Variants in KIAA1217 observed in about 807,000 individuals in gnomAD.
The protein encoded by KIAA1217 is sickle tail protein homolog.
Under a neutral mutation model 163.9 loss-of-function variants are expected in KIAA1217, and 88 were observed. The observed-to-expected ratio is 0.54, with a 90% CI of 0.45 to 0.64. The LOEUF is 0.64. Among genes scored for constraint, KIAA1217 ranks in the 30% least tolerant of loss-of-function variants. The probability of loss-of-function intolerance (pLI) is 0.00; values close to 1 mark genes in which losing one functional copy is unlikely to be tolerated. For synonymous variants in KIAA1217, 903 were observed against 923.1 expected, an observed-to-expected ratio of 0.98 and a Z score of 0.39; for missense variants, 2,372 against 2,475.0, an observed-to-expected ratio of 0.96 and a Z score of 0.88.
At chr10:24,367,481 C>T (rs1237429040) in intron 2 of KIAA1217, among the ~76,000 whole-genome samples, 1 of 152,170 alleles carries the variant, frequency 6.6e-6, no homozygotes, top group Non-Finnish European at 1.5e-5. Flanking sequence ...GTGGAATCAG[C>T]AGTAATGCAA....
chr10:24,521,856 G>A lies in KIAA1217; in HGVS notation c.2383G>A (p.Glu795Lys). The change falls in exon 12 of 21, where the codon GAG becomes AAG. Residue 795 changes from glutamate (E) to lysine (K), a missense_variant. Around this residue, in one of 3 missense-constraint regions of KIAA1217, gnomAD observed 1,431 missense variants for 1,470.3 expected, o/e 0.97. Coordinates refer to ENST00000376454, the MANE Select transcript of KIAA1217 (RefSeq NM_019590.5). The stretch of plus-strand genomic sequence containing the variant: ...AGTGGAGGCCGTGCGGTTTCTGAAG[G>A]AGGAGCCACACAAGCTGGACAGTCT... The part of the protein sequence containing the change: ...IEVEAVRFLK[E>K]EPHKLDSLLK... 1 of 1,613,908 alleles carries A rather than the reference G, an allele frequency of 6.2e-7. No individual in the cohort carries two copies. The highest frequency in any genetic ancestry group is 8.5e-7 in the Non-Finnish European group (1 of 1,180,030).
At chr10:23,817,984 T>TACACAC (rs1564447633) in intron 1 of KIAA1217, among the ~76,000 whole-genome samples, 6 of 116,512 alleles carry the variant, frequency 5.1e-5, no homozygotes, top group African/African-American at 2.1e-4. Flanking sequence ...TATATATATA[T>TACACAC]ATATATATAT....
intron 6 of KIAA1217, among the ~76,000 whole-genome samples, chr10:24,490,598 A>G (rs1046723712): frequency 9.2e-5 from 14 of 152,248 alleles, no homozygotes; most frequent in Non-Finnish European, 1.3e-4. Context: ...CTGAAACCAG[A>G]CACACTTTGA....
At chr10:24,079,547 T>C (rs2061475621) in intron 2 of KIAA1217, among the ~76,000 whole-genome samples, 1 of 152,218 alleles carries the variant, frequency 6.6e-6, no homozygotes, top group Non-Finnish European at 1.5e-5. Context: ...CCAATTTAAA[T>C]ACAAGTAAGG....
intron 7 of KIAA1217, 46 bp from the exon 8 acceptor site, chr10:24,495,101 G>T: frequency 1.4e-6 from 2 of 1,406,744 alleles, no homozygotes; most frequent in South Asian, 1.3e-5. Flanking sequence ...AAAAAAAAAA[G>T]GCATTTTGGA....
intron 2 of KIAA1217, among the ~76,000 whole-genome samples, chr10:24,162,317 T>C (rs2065156414): frequency 6.6e-6 from 1 of 152,238 alleles, no homozygotes; most frequent in Admixed American, 6.5e-5. Context: ...CACTACTCTC[T>C]GTGAACATCA....
At chr10:24,316,743 A>C (rs887176911) in intron 2 of KIAA1217, among the ~76,000 whole-genome samples, 23 of 148,414 alleles carry the variant, frequency 1.5e-4, no homozygotes, top group African/African-American at 4.7e-4. Flanking sequence ...ATTTGTATCT[A>C]TCAGGAAGGA....
chr10:24,380,860 CT>C lies in KIAA1217; in HGVS notation c.355-5del. ...TATTTTCCCACTTTCTTTAAAATGC[CT>C]TTTGCAGACAAGGAGCCCCAAACTG... On this transcript the variant is annotated splice_polypyrimidine_tract_variant and splice_region_variant and intron_variant, in intron 2 of 20. Transcript: ENST00000376454. 6.7e-7 allele frequency: 1 copy of C among 1,491,990 alleles called. No individual in the cohort carries two copies. The highest frequency in any genetic ancestry group is 1.4e-5 in the South Asian group (1 of 72,362). The allele number at this position is 1,491,990 out of a possible 1,614,324, so 92.4% of individuals were successfully genotyped here. A position where few individuals can be genotyped will look rare whatever the true frequency, so the allele number is the denominator to read the frequency against.
chr10:24,328,567 C>T lies in KIAA1217; in HGVS notation c.355-52302C>T, dbSNP rs773340379. Among the ~76,000 whole-genome samples, 101 of 151,584 alleles carry T rather than the reference C, an allele frequency of 6.7e-4. 1 individual carries two copies. In the Middle Eastern group the frequency reaches 0.01, roughly 15 times the overall value. ...AACAAGTGAGTCAGTTTAAAAACAACTTTATTAACAGAGTTGATGATGTAT... is the reference window on the plus strand; with the variant it reads ...AACAAGTGAGTCAGTTTAAAAACAATTTTATTAACAGAGTTGATGATGTAT... On this transcript the variant is annotated intron_variant, in intron 2 of 20. Coordinates refer to ENST00000376454, the MANE Select transcript of KIAA1217 (RefSeq NM_019590.5).
chr10:23,984,680 C>T (rs1221686600), intron 1 of KIAA1217, among the ~76,000 whole-genome samples: 3 of 151,824 alleles, frequency 2.0e-5, no homozygotes, highest in Non-Finnish European at 4.4e-5. Flanking sequence ...ACAAACACCA[C>T]ATGTTCTCAC....
Position 24,316,331 on chromosome 10 carries a change from G to T in KIAA1217, c.355-64538G>T, listed in dbSNP as rs11816503. On this transcript the variant is annotated intron_variant, in intron 2 of 20. Coordinates refer to ENST00000376454, the MANE Select transcript of KIAA1217 (RefSeq NM_019590.5). Reference sequence around the variant, plus strand: ...TTATCTAACTGTCCTGTCCCAGTTTGCAGGCATGGAAGGAGTTCCTAGGAT... The same window carrying T: ...TTATCTAACTGTCCTGTCCCAGTTTTCAGGCATGGAAGGAGTTCCTAGGAT... 2.3e-3 allele frequency among the ~76,000 whole-genome samples: 344 copies of T among 152,270 alleles called. 1 individual carries two copies. Among genetic ancestry groups the T allele is most frequent in the African/African-American group, 7.9e-3 (329 of 41,552 alleles).
intron 3 of KIAA1217, among the ~76,000 whole-genome samples, chr10:24,392,096 G>A (rs2055064628): frequency 6.6e-6 from 1 of 152,156 alleles, no homozygotes; most frequent in African/African-American, 2.4e-5. Context: ...ACAAGTAGCT[G>A]TTGGGTAAAA....
intron 2 of KIAA1217, among the ~76,000 whole-genome samples, chr10:24,094,277 A>G (rs2062060000): frequency 6.6e-6 from 1 of 152,142 alleles, no homozygotes; most frequent in African/African-American, 2.4e-5. Flanking sequence ...ACAGTGTAAA[A>G]GTGTTCCTAT....
At chr10:23,818,080 CAT>C (rs1491432900) in intron 1 of KIAA1217, among the ~76,000 whole-genome samples, 1 of 125,848 alleles carries the variant, frequency 7.9e-6, no homozygotes, top group African/African-American at 3.2e-5. Context: ...TACACACACA[CAT>C]ATAGATATAC....
intron 1 of KIAA1217, among the ~76,000 whole-genome samples, chr10:23,726,815 TACTA>T (rs1401710848): frequency 6.6e-6 from 1 of 152,106 alleles, no homozygotes; most frequent in African/African-American, 2.4e-5. Context: ...TGCATTTTCT[TACTA>T]ACTCTCTTAA....
intron 2 of KIAA1217, among the ~76,000 whole-genome samples, chr10:24,081,228 A>G (rs1463748343): frequency 1.3e-5 from 2 of 152,200 alleles, no homozygotes; most frequent in Non-Finnish European, 2.9e-5. Context: ...CTTGCTGTTT[A>G]TAAAGCCTGA....
rs187062683 is a variant in KIAA1217, at chr10:23,748,191, T to C, written c.-321+52957T>C. On this transcript the variant is annotated intron_variant, in intron 1 of 18. Transcript: ENST00000376462. ...CCTCACTCCCTCTCTCCAAAACCTA[T>C]GCACGACATCTTTTGGAGTGCTTGT... 3.8e-4 allele frequency among the ~76,000 whole-genome samples: 58 copies of C among 152,280 alleles called. No individual in the cohort carries two copies. The East Asian group carries it at 0.01, about 26-fold the overall frequency.
rs950209188 is a variant in KIAA1217 at position 23,973,839 on chromosome 10, G to GA, written c.-320-33376dup. ...GTCAAGGAAAAAAAAATATGACTTGGAAAAAAAAAACCCTCTCATTTCACC... is the reference window on the plus strand; with the variant it reads ...GTCAAGGAAAAAAAAATATGACTTGGAAAAAAAAAAACCCTCTCATTTCACC... On this transcript the variant is annotated intron_variant, in intron 1 of 18. Coordinates refer to the KIAA1217 transcript ENST00000376462. Among the ~76,000 whole-genome samples the GA allele has an allele frequency of 1.7e-4, 25 of 147,286 alleles. 1 individual carries two copies. In the East Asian group the frequency reaches 1.8e-3, roughly 10 times the overall value.
chr10:23,905,063 CTTT>C (rs562938938), intron 1 of KIAA1217, among the ~76,000 whole-genome samples: 7,625 of 99,884 alleles, frequency 0.076, 774 homozygotes, highest in African/African-American at 0.28. Flanking sequence ...TTCTCTTTTC[CTTT>C]TTTTTTTTTT....
Sources: gnomAD v4.1 joint callset for allele counts (sites outside exome capture counted in the v4.1 genomes callset) on GRCh38, gnomAD v4.1.1 for gene constraint, gnomAD v4.1.1 regional missense constraint, MANE v1.5 for transcripts, NCBI Gene and HGNC (gene_info 2026-07-23, HGNC 2026-07-21) for gene names.